MARCHF3: variants seen among roughly 807,000 people sequenced by gnomAD.
MARCHF3 encodes the protein E3 ubiquitin-protein ligase MARCHF3.
MARCHF3 carries 13 observed loss-of-function variants against 24.2 expected under a neutral mutation model. That is an observed-to-expected ratio of 0.54 (90% confidence interval 0.35 to 0.85). The LOEUF (loss-of-function observed/expected upper bound fraction) is 0.85. MARCHF3 is among the 40% of genes least tolerant of loss of function. MARCHF3 has a pLI of 0.01. For synonymous variants in MARCHF3, 144 were observed against 137.3 expected (o/e 1.05, Z -0.34); for missense variants, 276 against 325.0 (o/e 0.85, Z 1.16).
intron 1 of MARCHF3, among the ~76,000 whole-genome samples, chr5:126,947,285 T>C (rs1171943681): frequency 6.6e-6 from 1 of 152,244 alleles, no homozygotes; most frequent in Non-Finnish European, 1.5e-5. Context: ...CAGCAAGCTG[T>C]GACAGACATC....
intron 1 of MARCHF3, chr5:127,030,061 G>C (rs897213847): frequency 6.6e-6 from 1 of 152,236 alleles, no homozygotes; most frequent in Non-Finnish European, 1.5e-5. Flanking sequence ...AGCGCTCCAT[G>C]TCGTTGCCGC....
chr5:126,886,412 C>T (rs1326000437), intron 3 of MARCHF3, among the ~76,000 whole-genome samples: 2 of 152,178 alleles, frequency 1.3e-5, no homozygotes, highest in African/African-American at 4.8e-5. Flanking sequence ...GGGGACAGGA[C>T]ACCACTTCCA....
chr5:127,010,085 G>A (rs1752430070), intron 1 of MARCHF3, among the ~76,000 whole-genome samples: 1 of 152,152 alleles, frequency 6.6e-6, no homozygotes, highest in African/African-American at 2.4e-5. Flanking sequence ...CAGAGACAGT[G>A]CCTAGACCAC....
intron 1 of MARCHF3, among the ~76,000 whole-genome samples, chr5:126,966,905 C>CTTTTTTTT (rs779454094): frequency 2.2e-4 from 1 of 4,496 alleles, no homozygotes; most frequent in African/African-American, 7.0e-4. Context: ...CTGTGAGAGC[C>CTTTTTTTT]TTTTTTTTTT....
intron 1 of MARCHF3, among the ~76,000 whole-genome samples, chr5:126,934,056 G>A (rs1055359841): frequency 4.6e-5 from 7 of 152,076 alleles, no homozygotes; most frequent in Admixed American, 2.0e-4. Context: ...AAAAACATAC[G>A]CGATTTCTTT....
chr5:126,911,665 C>T (rs953107121), intron 3 of MARCHF3, among the ~76,000 whole-genome samples: 1 of 151,974 alleles, frequency 6.6e-6, no homozygotes, highest in African/African-American at 2.4e-5. Context: ...TTACCTTGCA[C>T]CAAGAAAATA....
intron 3 of MARCHF3, among the ~76,000 whole-genome samples, chr5:126,912,998 G>GT (rs1754594601): frequency 1.3e-5 from 2 of 152,176 alleles, no homozygotes; most frequent in South Asian, 4.1e-4. Context: ...CATTTGCCTT[G>GT]TTTCCTTGTT....
chr5:126,909,676 A>G (rs1373044280), intron 3 of MARCHF3, among the ~76,000 whole-genome samples: 1 of 152,162 alleles, frequency 6.6e-6, no homozygotes, highest in African/African-American at 2.4e-5. Flanking sequence ...TGGCTCGCAC[A>G]CGGTGCCCGC....
chr5:126,869,342 A>G lies in MARCHF3; in HGVS notation c.*1291T>C, dbSNP rs912580335. 6.6e-6 allele frequency: 1 copy of G among 151,636 alleles called. No homozygotes were observed. The highest frequency in any genetic ancestry group is 1.5e-5 in the Non-Finnish European group (1 of 67,920). The allele number at this position is 151,636 out of a possible 1,614,324, so 9.4% of individuals were successfully genotyped here. ...CGGACAGCCGGGAGCCTGAGAGTCA[A>G]CCCCAGCCAGCGCTCTCCTCAGAAG... On this transcript the variant is annotated 3_prime_UTR_variant, in exon 5 of 5. Transcript: ENST00000308660.
At chr5:126,989,909 A>G (rs1751694697) in intron 1 of MARCHF3, among the ~76,000 whole-genome samples, 1 of 152,148 alleles carries the variant, frequency 6.6e-6, no homozygotes, top group Admixed American at 6.6e-5. Context: ...AGATCACCTG[A>G]AGTCAGGAGT....
chr5:126,960,742 C>A (rs904594296), intron 1 of MARCHF3, among the ~76,000 whole-genome samples: 1 of 151,932 alleles, frequency 6.6e-6, no homozygotes, highest in African/African-American at 2.4e-5. Flanking sequence ...TGATATTTTG[C>A]CATTTTTATG....
chr5:126,938,514 T>C (rs1423912707), intron 1 of MARCHF3, among the ~76,000 whole-genome samples: 3 of 149,868 alleles, frequency 2.0e-5, no homozygotes, highest in Non-Finnish European at 3.0e-5. Flanking sequence ...TTTTAAAAGC[T>C]AGGAGTTAAC....
At chr5:126,871,936 C>T (rs1478770297) in intron 4 of MARCHF3, among the ~76,000 whole-genome samples, 1 of 151,938 alleles carries the variant, frequency 6.6e-6, no homozygotes, top group Non-Finnish European at 1.5e-5. Flanking sequence ...GTCTCGAACT[C>T]CTGATCTCAA....
intron 1 of MARCHF3, among the ~76,000 whole-genome samples, chr5:126,972,270 C>T (rs961611447): frequency 9.9e-5 from 15 of 151,222 alleles, no homozygotes; most frequent in Non-Finnish European, 2.2e-4. Flanking sequence ...AAAAAAATTC[C>T]CAGAACCTCA....
At chr5:126,910,830 T>C (rs996178377) in intron 3 of MARCHF3, among the ~76,000 whole-genome samples, 5 of 152,246 alleles carry the variant, frequency 3.3e-5, no homozygotes, top group Non-Finnish European at 7.3e-5. Flanking sequence ...CTCTGACTGC[T>C]GGTGAGCTGG....
chr5:127,016,517 C>T (rs1292387918), intron 1 of MARCHF3, among the ~76,000 whole-genome samples: 1 of 152,190 alleles, frequency 6.6e-6, no homozygotes, highest in African/African-American at 2.4e-5. Context: ...AAATGTTCAT[C>T]ATCACTGGTC....
chr5:126,980,107 A>C (rs1186005264), intron 1 of MARCHF3, among the ~76,000 whole-genome samples: 1 of 152,206 alleles, frequency 6.6e-6, no homozygotes, highest in African/African-American at 2.4e-5. Context: ...ACGAACATCT[A>C]TAAGGAAAGC....
At chr5:126,968,408 T>C (rs1189362911) in intron 1 of MARCHF3, among the ~76,000 whole-genome samples, 1 of 152,224 alleles carries the variant, frequency 6.6e-6, no homozygotes, top group Non-Finnish European at 1.5e-5. Context: ...TGTTATTGTT[T>C]ATCTTTTTGA....
chr5:126,885,137 C>T (rs571852968), intron 3 of MARCHF3, among the ~76,000 whole-genome samples: 2 of 152,344 alleles, frequency 1.3e-5, no homozygotes, highest in African/African-American at 4.8e-5. Flanking sequence ...ACACAACACT[C>T]TCTGAAACGA....
Sources: allele counts gnomAD v4.1 joint callset (sites outside exome capture counted in the v4.1 genomes callset), GRCh38; gene constraint gnomAD v4.1.1; transcripts MANE v1.5; gene names NCBI Gene and HGNC (gene_info 2026-07-23, HGNC 2026-07-21).